The following BAZ2B variants were observed in gnomAD, a reference collection of about 807,000 sequenced individuals.
BAZ2B encodes bromodomain adjacent to zinc finger domain 2B.
BAZ2B carries 91 observed loss-of-function variants against 246.0 expected under a neutral mutation model. The ratio of observed to expected loss-of-function variants is 0.37; its 90% CI spans 0.31 to 0.44. The LOEUF (loss-of-function observed/expected upper bound fraction) is 0.44, where lower values mean the gene tolerates loss of function less well. BAZ2B is among the 20% of genes least tolerant of loss of function. The pLI, the probability that BAZ2B is intolerant of heterozygous loss-of-function variation, is 1.00. For synonymous variants in BAZ2B, 855 were observed against 860.0 expected (o/e 0.99, Z 0.10); for missense variants, 2,332 against 2,533.7 (o/e 0.92, Z 1.71).
the BAZ2B span, among the ~76,000 whole-genome samples, chr2:159,627,704 T>C: frequency 6.6e-6 from 1 of 151,994 alleles, no homozygotes; most frequent in Non-Finnish European, 1.5e-5. Flanking sequence ...AAACCCACAA[T>C]AAATATCATA....
intron 30 of BAZ2B, among the ~76,000 whole-genome samples, chr2:159,348,429 G>A (rs1424887654): frequency 6.7e-6 from 1 of 149,720 alleles, no homozygotes; most frequent in East Asian, 2.0e-4. Context: ...CTGAGACAAT[G>A]TAGATGCTAT....
At chr2:159,655,251 T>C in the BAZ2B span, among the ~76,000 whole-genome samples, 1 of 152,060 alleles carries the variant, frequency 6.6e-6, no homozygotes, top group African/African-American at 2.4e-5. Flanking sequence ...AATACAAAAA[T>C]CTCTGTTTTT....
At chr2:159,608,128 A>C (rs556386024) in intron 1 of BAZ2B, among the ~76,000 whole-genome samples, 1 of 152,328 alleles carries the variant, frequency 6.6e-6, no homozygotes, top group East Asian at 1.9e-4. Flanking sequence ...TAATCCCAGC[A>C]CTTTGAGAGG....
intron 3 of BAZ2B, among the ~76,000 whole-genome samples, chr2:159,466,126 C>T (rs968174013): frequency 2.6e-5 from 4 of 152,180 alleles, no homozygotes; most frequent in Non-Finnish European, 5.9e-5. Flanking sequence ...TTGGCTGTCT[C>T]TTAAGTTCTA....
chr2:159,471,059 A>C (rs1215144709), intron 3 of BAZ2B, among the ~76,000 whole-genome samples: 1 of 152,142 alleles, frequency 6.6e-6, no homozygotes. Flanking sequence ...TGTATAAAAA[A>C]ATTTAGAGAA....
At chr2:159,686,805 G>A in the BAZ2B span, among the ~76,000 whole-genome samples, 1 of 152,116 alleles carries the variant, frequency 6.6e-6, no homozygotes, top group Non-Finnish European at 1.5e-5. Flanking sequence ...CACTTTGGGA[G>A]GCCAAGGCGG....
chr2:159,568,621 A>G (rs1016396125), intron 1 of BAZ2B, among the ~76,000 whole-genome samples: 5 of 152,070 alleles, frequency 3.3e-5, no homozygotes, highest in Non-Finnish European at 7.4e-5. Context: ...CTCTTTCAAC[A>G]GTGTTAGCTA....
chr2:159,476,501 A>G (rs2078571841), intron 3 of BAZ2B, among the ~76,000 whole-genome samples: 1 of 152,132 alleles, frequency 6.6e-6, no homozygotes, highest in Non-Finnish European at 1.5e-5. Context: ...TCCCTTCTGC[A>G]GCTTCCAACC....
At chr2:159,323,103 C>T (rs1243786698) in intron 36 of BAZ2B, among the ~76,000 whole-genome samples, 1 of 151,272 alleles carries the variant, frequency 6.6e-6, no homozygotes, top group Non-Finnish European at 1.5e-5. Flanking sequence ...TCTTGTGCCT[C>T]ATCCCTGAGT....
chr2:159,581,159 A>G (rs1218494874), intron 1 of BAZ2B, among the ~76,000 whole-genome samples: 1 of 152,198 alleles, frequency 6.6e-6, no homozygotes, highest in African/African-American at 2.4e-5. Flanking sequence ...AATTTTTACG[A>G]TCTACCCATC....
chr2:159,575,075 C>T (rs545086600), intron 1 of BAZ2B, among the ~76,000 whole-genome samples: 18 of 152,094 alleles, frequency 1.2e-4, no homozygotes, highest in Non-Finnish European at 2.5e-4. Flanking sequence ...TGACAGAAGC[C>T]AGTCACAAAA....
At chr2:159,366,654 T>C (rs2060247769) in intron 27 of BAZ2B, among the ~76,000 whole-genome samples, 1 of 152,240 alleles carries the variant, frequency 6.6e-6, no homozygotes, top group African/African-American at 2.4e-5. Context: ...CCTGGGATCA[T>C]ATCACTGAAA....
At chr2:159,562,100 G>A (rs1365430283) in intron 1 of BAZ2B, among the ~76,000 whole-genome samples, 2 of 152,060 alleles carry the variant, frequency 1.3e-5, no homozygotes, top group African/African-American at 2.4e-5. Context: ...TTACTAAGAG[G>A]TATCAATAAT....
intron 34 of BAZ2B, among the ~76,000 whole-genome samples, chr2:159,328,030 A>G (rs919984314): frequency 2.1e-5 from 3 of 142,198 alleles, no homozygotes; most frequent in Non-Finnish European, 4.5e-5. Flanking sequence ...ACACCACTGC[A>G]CTCCAGCTTG....
the BAZ2B span, among the ~76,000 whole-genome samples, chr2:159,679,188 C>T: frequency 2.9e-5 from 4 of 139,574 alleles, no homozygotes; most frequent in Non-Finnish European, 4.5e-5. Context: ...AGGAGAATGG[C>T]GTGAAGCTGG....
At chr2:159,612,266 C>T (rs1328784490) in intron 1 of BAZ2B, among the ~76,000 whole-genome samples, 2 of 151,732 alleles carry the variant, frequency 1.3e-5, no homozygotes, top group African/African-American at 4.8e-5. Flanking sequence ...AAAGAAACAG[C>T]CAAATGGATT....
chr2:159,625,992 A>T, the BAZ2B span, among the ~76,000 whole-genome samples: 1 of 127,024 alleles, frequency 7.9e-6, no homozygotes, highest in Non-Finnish European at 1.7e-5. Flanking sequence ...TTAGCAAGCA[A>T]ATGGAAAGCA....
At chr2:159,635,002 T>C in the BAZ2B span, among the ~76,000 whole-genome samples, 8 of 152,150 alleles carry the variant, frequency 5.3e-5, no homozygotes, top group Non-Finnish European at 1.2e-4. Flanking sequence ...TTTTTTCAAA[T>C]AGCAAAGAAA....
chr2:159,544,510 T>C (rs1157903991), intron 2 of BAZ2B, among the ~76,000 whole-genome samples: 1 of 152,192 alleles, frequency 6.6e-6, no homozygotes, highest in African/African-American at 2.4e-5. Flanking sequence ...AGAAGGTTTC[T>C]GGAAAATTAG....
Sources: gnomAD v4.1 joint callset for allele counts (sites outside exome capture counted in the v4.1 genomes callset) on GRCh38, gnomAD v4.1.1 for gene constraint, MANE v1.5 for transcripts, NCBI Gene and HGNC (gene_info 2026-07-23, HGNC 2026-07-21) for gene names.